Variants in SPMAP2L observed in about 807,000 individuals in gnomAD.
SPMAP2L encodes the protein sperm microtubule associated protein 2-like.
the SPMAP2L span, among the ~76,000 whole-genome samples, chr4:56,618,770 G>A: frequency 2.6e-5 from 4 of 152,154 alleles, no homozygotes; most frequent in Admixed American, 6.6e-5. Flanking sequence ...TTTATAGAAC[G>A]GAACTTGGGC....
At chr4:56,579,717 TGTGATTATGTCACTGCATTCCAGTCAG>T in the SPMAP2L span, among the ~76,000 whole-genome samples, 2 of 152,208 alleles carry the variant, frequency 1.3e-5, no homozygotes, top group Non-Finnish European at 2.9e-5. Context: ...TGCAGTGGGC[TGTGATTATGTCACTGCATTCCAGTCAG>T]GGTGACAAAA....
the SPMAP2L span, among the ~76,000 whole-genome samples, chr4:56,569,028 G>A: frequency 1.1e-4 from 16 of 152,238 alleles, no homozygotes; most frequent in African/African-American, 3.6e-4. Context: ...TAATTGTATG[G>A]CTTTGCCACA....
At chr4:56,581,531 G>A in the SPMAP2L span, among the ~76,000 whole-genome samples, 272 of 151,892 alleles carry the variant, frequency 1.8e-3, no homozygotes, top group African/African-American at 6.0e-3. Flanking sequence ...GAGGCTGGAG[G>A]ATTGCTTGAG....
chr4:56,534,156 C>T, the SPMAP2L span, among the ~76,000 whole-genome samples: 2 of 152,090 alleles, frequency 1.3e-5, no homozygotes, highest in South Asian at 4.1e-4. Flanking sequence ...TGTCCTCTTT[C>T]CCCCTTTTTC....
chr4:56,595,199 A>G, the SPMAP2L span: 4 of 1,611,556 alleles, frequency 2.5e-6, no homozygotes, highest in African/African-American at 5.3e-5. Context: ...GAAAAACACT[A>G]CAGAATTCTT....
chr4:56,615,519 G>A, the SPMAP2L span, among the ~76,000 whole-genome samples: 2 of 152,140 alleles, frequency 1.3e-5, no homozygotes, highest in South Asian at 4.1e-4. Context: ...GGCCGAGGCG[G>A]GTGGATCACC....
chr4:56,547,319 C>T, the SPMAP2L span, among the ~76,000 whole-genome samples: 19 of 150,556 alleles, frequency 1.3e-4, no homozygotes, highest in Admixed American at 2.0e-4. Context: ...AATCTTGGCT[C>T]ACTGCAACCT....
the SPMAP2L span, among the ~76,000 whole-genome samples, chr4:56,572,013 A>G: frequency 6.6e-6 from 1 of 152,294 alleles, no homozygotes; most frequent in South Asian, 2.1e-4. Flanking sequence ...TACCTCCTGA[A>G]GGACCTGTCT....
At chr4:56,617,145 C>T in the SPMAP2L span, among the ~76,000 whole-genome samples, 174 of 152,232 alleles carry the variant, frequency 1.1e-3, 1 homozygote, top group African/African-American at 3.4e-3. Flanking sequence ...AGTGTACTTG[C>T]GCAAACCTAG....
chr4:56,563,770 T>A, the SPMAP2L span, among the ~76,000 whole-genome samples: 1 of 152,202 alleles, frequency 6.6e-6, no homozygotes, highest in African/African-American at 2.4e-5. Context: ...ATAGACATTA[T>A]GTACACTAAG....
chr4:56,625,839 C>T, the SPMAP2L span, among the ~76,000 whole-genome samples: 1 of 152,206 alleles, frequency 6.6e-6, no homozygotes, highest in Non-Finnish European at 1.5e-5. Context: ...GTTCTTATCT[C>T]CCCTAGTAAA....
At chr4:56,540,680 A>G in the SPMAP2L span, among the ~76,000 whole-genome samples, 2 of 152,194 alleles carry the variant, frequency 1.3e-5, no homozygotes, top group Non-Finnish European at 2.9e-5. Flanking sequence ...AAAGAAAGAC[A>G]GCCAAAGCCC....
chr4:56,600,097 C>CTTTCTTT, the SPMAP2L span, among the ~76,000 whole-genome samples: 1 of 87,782 alleles, frequency 1.1e-5, no homozygotes, highest in African/African-American at 5.1e-5. Flanking sequence ...TCTTTGCTTT[C>CTTTCTTT]TTTTTTTTTT....
chr4:56,548,561 C>G, the SPMAP2L span, among the ~76,000 whole-genome samples: 1 of 152,068 alleles, frequency 6.6e-6, no homozygotes, highest in Non-Finnish European at 1.5e-5. Context: ...AGATTAAAAT[C>G]CAGGGATCAA....
chr4:56,581,140 C>T, the SPMAP2L span, among the ~76,000 whole-genome samples: 1 of 151,790 alleles, frequency 6.6e-6, no homozygotes, highest in Admixed American at 6.6e-5. Context: ...CATAATGAGA[C>T]CTCATTTTCT....
chr4:56,544,754 C>G, the SPMAP2L span, among the ~76,000 whole-genome samples: 1 of 152,210 alleles, frequency 6.6e-6, no homozygotes, highest in Non-Finnish European at 1.5e-5. Flanking sequence ...CTGGCTCCGC[C>G]GTCTGGAGCG....
At chr4:56,600,336 C>T in the SPMAP2L span, among the ~76,000 whole-genome samples, 1 of 152,112 alleles carries the variant, frequency 6.6e-6, no homozygotes, top group Admixed American at 6.6e-5. Context: ...ACTCTGTTGC[C>T]AGGCTGGAGT....
At chr4:56,596,744 AGTGGTCT>A in the SPMAP2L span, 1 of 1,192,416 alleles carries the variant, frequency 8.4e-7, no homozygotes, top group Non-Finnish European at 1.1e-6. Context: ...ATCTGGGAAG[AGTGGTCT>A]GTGGCAGGAA....
the SPMAP2L span, among the ~76,000 whole-genome samples, chr4:56,612,359 T>G: frequency 6.6e-6 from 1 of 151,992 alleles, no homozygotes; most frequent in African/African-American, 2.4e-5. Context: ...TTTTCTTTCT[T>G]TTTTTTCTTT....
Sources: allele counts gnomAD v4.1 joint callset (sites outside exome capture counted in the v4.1 genomes callset), GRCh38; gene constraint gnomAD v4.1.1; transcripts MANE v1.5; gene names NCBI Gene and HGNC (gene_info 2026-07-23, HGNC 2026-07-21).